The following PRKN variants were observed in gnomAD, a reference collection of about 807,000 sequenced individuals.
The protein encoded by PRKN is parkin RBR E3 ubiquitin protein ligase, also known as E3 ubiquitin-protein ligase parkin.
In PRKN, 56 loss-of-function variants were observed where a neutral mutation model predicts 59.5. The ratio of observed to expected loss-of-function variants is 0.94; its 90% CI spans 0.76 to 1.18. The LOEUF is 1.18. PRKN is among the 50% of genes most tolerant of loss of function. The probability of loss-of-function intolerance (pLI) is 0.00; values close to 1 mark genes in which losing one functional copy is unlikely to be tolerated. For synonymous variants in PRKN, 250 were observed against 222.1 expected, an observed-to-expected ratio of 1.13 and a Z score of -1.12; for missense variants, 657 against 596.4, an observed-to-expected ratio of 1.10 and a Z score of -1.06.
chr6:162,670,005 C>G (rs998534509), intron 1 of PRKN, among the ~76,000 whole-genome samples: 1 of 152,162 alleles, frequency 6.6e-6, no homozygotes, highest in African/African-American at 2.4e-5. Flanking sequence ...GTTAAACTAA[C>G]AGAAACCAAA....
chr6:161,370,346 A>T (rs1483122110), intron 10 of PRKN, among the ~76,000 whole-genome samples: 1 of 151,212 alleles, frequency 6.6e-6, no homozygotes, highest in African/African-American at 2.4e-5. Flanking sequence ...GCACTTTGGG[A>T]GGCCGAGGCG....
intron 6 of PRKN, among the ~76,000 whole-genome samples, chr6:161,884,727 T>C (rs1795066317): frequency 6.6e-6 from 1 of 152,346 alleles, no homozygotes; most frequent in South Asian, 2.1e-4. Flanking sequence ...TTCTTGTACC[T>C]CTTCTGAATC....
intron 1 of PRKN, among the ~76,000 whole-genome samples, chr6:162,512,228 A>G (rs1489435103): frequency 2.0e-5 from 3 of 152,216 alleles, no homozygotes; most frequent in Non-Finnish European, 4.4e-5. Flanking sequence ...TATTACAACA[A>G]AAGATTTTCT....
At position 161,785,837 on chromosome 6, in the gene PRKN, A is replaced by T; in HGVS notation, c.806T>A (p.Val269Glu). 6.2e-7 allele frequency: 1 copy of T among 1,614,144 alleles called. No individual in the cohort carries two copies. The highest frequency in any genetic ancestry group is 8.5e-7 in the Non-Finnish European group (1 of 1,180,000). The change falls in exon 7 of 12, where the codon GTG becomes GAG. Residue 269 changes from valine (V) to glutamate (E), a missense_variant. Physicochemically the swap from Val to Glu is moderately radical, Grantham distance 121. Transcript: ENST00000366898. The part of the protein sequence containing the change: ...ICLDCFHLYC[V>E]TRLNDRQFVH... ...AAACTGCCGATCATTGAGTCTTGTCACACAGTATAAGTGGAAACAGTCTAA... is the reference window on the plus strand; with the variant it reads ...AAACTGCCGATCATTGAGTCTTGTCTCACAGTATAAGTGGAAACAGTCTAA...
rs1441376428 is a variant in PRKN, at chr6:161,447,606, G to A, written c.1084-60729C>T. ...CCTCCCGGGTTCAAGCGATGCTCCTGCCTCAGCCTCCCGAGTAGCTGGGAC... is the reference window on the plus strand; with the variant it reads ...CCTCCCGGGTTCAAGCGATGCTCCTACCTCAGCCTCCCGAGTAGCTGGGAC... On this transcript the variant is annotated intron_variant, in intron 9 of 11. Transcript: ENST00000366898. The surrounding 1 kb of genome is among the most constrained non-coding windows in gnomAD (Gnocchi z 4.1). Among the ~76,000 whole-genome samples the A allele has an allele frequency of 6.6e-6, 1 of 152,092 alleles. No homozygotes were observed. Among genetic ancestry groups the A allele is most frequent in the Non-Finnish European group, 1.5e-5 (1 of 68,016 alleles).
intron 7 of PRKN, among the ~76,000 whole-genome samples, chr6:161,570,242 TTATA>T: frequency 6.9e-6 from 1 of 145,176 alleles, no homozygotes; most frequent in East Asian, 2.0e-4. Flanking sequence ...TAGATATGAG[TTATA>T]TATATTTTTA....
intron 9 of PRKN, among the ~76,000 whole-genome samples, chr6:161,532,166 CTATATATATATA>C (rs200674940): frequency 0.042 from 4,878 of 115,380 alleles, 82 homozygotes; most frequent in South Asian, 0.063. Context: ...CTCTCTCTCT[CTATATATATATA>C]TATATATATA....
intron 1 of PRKN, among the ~76,000 whole-genome samples, chr6:162,459,774 A>G (rs1461477209): frequency 2.0e-5 from 3 of 152,200 alleles, no homozygotes; most frequent in Non-Finnish European, 2.9e-5. Flanking sequence ...AATAAAAAGT[A>G]GCCGCATTTT....
intron 1 of PRKN, among the ~76,000 whole-genome samples, chr6:162,541,696 C>A (rs542275920): frequency 6.6e-6 from 1 of 152,240 alleles, no homozygotes; most frequent in African/African-American, 2.4e-5. Context: ...CCTCTATTTC[C>A]TTATTTTTGG....
At chr6:162,487,419 T>C (rs1371323312) in intron 1 of PRKN, among the ~76,000 whole-genome samples, 1 of 152,222 alleles carries the variant, frequency 6.6e-6, no homozygotes, top group Non-Finnish European at 1.5e-5. Flanking sequence ...CACAAGCCTC[T>C]GTCCCCAGGA....
At chr6:162,355,694 A>T (rs972581478) in intron 2 of PRKN, among the ~76,000 whole-genome samples, 1 of 150,160 alleles carries the variant, frequency 6.7e-6, no homozygotes, top group Non-Finnish European at 1.5e-5. Context: ...CAAACTGGGT[A>T]TTTCCTTTTG....
At chr6:161,925,558 G>C (rs930991698) in intron 6 of PRKN, among the ~76,000 whole-genome samples, 1 of 152,046 alleles carries the variant, frequency 6.6e-6, no homozygotes, top group Non-Finnish European at 1.5e-5. Context: ...GCGATAGAGT[G>C]AGACTCCATC....
At chr6:162,400,129 C>T (rs1787688861) in intron 2 of PRKN, among the ~76,000 whole-genome samples, 1 of 151,920 alleles carries the variant, frequency 6.6e-6, no homozygotes, top group Non-Finnish European at 1.5e-5. Flanking sequence ...ATTGCTTGAA[C>T]CTGGGAGGTG....
chr6:161,806,210 G>A (rs1325249764), intron 6 of PRKN, among the ~76,000 whole-genome samples: 4 of 152,094 alleles, frequency 2.6e-5, no homozygotes, highest in South Asian at 2.1e-4. Flanking sequence ...CATGACCAGC[G>A]ACAGCTAGAC....
rs544961265 is a variant in PRKN, at chr6:161,458,106, C to T, written c.1084-71229G>A. Among the ~76,000 whole-genome samples the T allele has an allele frequency of 6.6e-6, 1 of 152,260 alleles. No homozygotes were observed. The highest frequency in any genetic ancestry group is 2.1e-4 in the South Asian group (1 of 4,822). On this transcript the variant is annotated intron_variant, in intron 9 of 11. Coordinates refer to ENST00000366898, the MANE Select transcript of PRKN (RefSeq NM_004562.3). This position sits in a 1 kb window ranked among gnomAD's most constrained non-coding sequence, Gnocchi z 6.1. ...AAAAAGAGAAATACAGCTCTTTGTA[C>T]ATTCAGATTCCTTTAGCTTGAAAGA...
intron 6 of PRKN, among the ~76,000 whole-genome samples, chr6:161,895,494 G>A (rs548859498): frequency 1.4e-5 from 2 of 143,234 alleles, no homozygotes; most frequent in African/African-American, 5.9e-5. Flanking sequence ...AGATTCAGGA[G>A]TACGCCCACC....
chr6:161,838,246 T>C (rs994971392), intron 6 of PRKN, among the ~76,000 whole-genome samples: 53 of 152,332 alleles, frequency 3.5e-4, no homozygotes, highest in African/African-American at 1.2e-3. Context: ...TTGTAGAAAC[T>C]CATGACCCAA....
At chr6:162,313,686 C>T (rs1038940627) in intron 2 of PRKN, among the ~76,000 whole-genome samples, 1 of 151,940 alleles carries the variant, frequency 6.6e-6, no homozygotes, top group Non-Finnish European at 1.5e-5. Context: ...TGGGTTTCAT[C>T]ATGTTGGCTA....
At position 161,527,959 on chromosome 6, in the gene PRKN, C is replaced by G. The variant is rs7758777; in HGVS notation, c.1083+20895G>C. On this transcript the variant is annotated intron_variant, in intron 9 of 11. Transcript: ENST00000366898. This position sits in a 1 kb window ranked among gnomAD's most constrained non-coding sequence, Gnocchi z 4.6. ...CTGCTTTTAAACATTTCTTTCCCCC[C>G]ACTTAGTCCCCAGAGACTTAGAGTT... Among the ~76,000 whole-genome samples the G allele has an allele frequency of 5.3e-3, 809 of 152,266 alleles. 9 individuals are homozygous for G. Among genetic ancestry groups the G allele is most frequent in the Middle Eastern group, 0.02 (6 of 294 alleles).
Sources: gnomAD v4.1 joint callset for allele counts (sites outside exome capture counted in the v4.1 genomes callset) on GRCh38, gnomAD v4.1.1 for gene constraint, Gnocchi (gnomAD v3.1) non-coding constraint, MANE v1.5 for transcripts, NCBI Gene and HGNC (gene_info 2026-07-23, HGNC 2026-07-21) for gene names.